Variants in PARD3B observed in about 807,000 individuals in gnomAD.
PARD3B encodes partitioning defective 3 homolog B.
In PARD3B, 103 loss-of-function variants were observed where a neutral mutation model predicts 130.2. The ratio of observed to expected loss-of-function variants is 0.79; its 90% confidence interval spans 0.67 to 0.93. The LOEUF is 0.93. PARD3B is among the 40% of genes least tolerant of loss of function. The pLI is 0.00. For synonymous variants in PARD3B, 583 were observed against 553.2 expected, an observed-to-expected ratio of 1.05 and a Z score of -0.76; for missense variants, 1,609 against 1,499.2, an observed-to-expected ratio of 1.07 and a Z score of -1.21.
At chr2:204,915,972 A>G (rs1230125237) in intron 2 of PARD3B, among the ~76,000 whole-genome samples, 1 of 152,196 alleles carries the variant, frequency 6.6e-6, no homozygotes, top group Non-Finnish European at 1.5e-5. Flanking sequence ...TGTCCTTGAT[A>G]AGTCTGTACA....
At position 205,018,946 on chromosome 2, in the gene PARD3B, G is replaced by A. The variant is rs1472924576; in HGVS notation, c.395-28635G>A. ...AGTTGATTTATACTTAAATTTATCA[G>A]ATTGGGTGGTTCTTTTTGACTTAAC... On this transcript the variant is annotated intron_variant, in intron 3 of 22. Transcript: ENST00000406610. 3.9e-5 allele frequency among the ~76,000 whole-genome samples: 6 copies of A among 152,014 alleles called. No homozygotes were observed. The East Asian group carries it at 1.2e-3, about 29-fold the overall frequency.
chr2:204,970,750 C>G (rs1691631295), intron 3 of PARD3B, among the ~76,000 whole-genome samples: 1 of 152,130 alleles, frequency 6.6e-6, no homozygotes, highest in Non-Finnish European at 1.5e-5. Flanking sequence ...ATAAAAAGTA[C>G]TTTAAACTTG....
chr2:205,357,480 A>G (rs775182868), intron 18 of PARD3B, among the ~76,000 whole-genome samples: 3 of 152,224 alleles, frequency 2.0e-5, no homozygotes, highest in Admixed American at 6.5e-5. Context: ...AAGTGTTTGT[A>G]ATTAAGTGGG....
rs116424901 is a variant in PARD3B at position 204,755,071 on chromosome 2, A to C, written c.222+68789A>C. Among the ~76,000 whole-genome samples, 1,009 of 152,226 alleles carry C rather than the reference A, an allele frequency of 6.6e-3. 12 individuals are homozygous for C. Among genetic ancestry groups the C allele is most frequent in the African/African-American group, 0.023 (971 of 41,558 alleles). On this transcript the variant is annotated intron_variant, in intron 2 of 22. Transcript: ENST00000406610. The stretch of plus-strand genomic sequence containing the variant: ...TTATTTAATTGCCTTGCACGCAAAA[A>C]ATGGACTGATTTCTCAAAAATGATT...
intron 1 of PARD3B, among the ~76,000 whole-genome samples, chr2:204,612,946 C>T (rs2033983123): frequency 6.6e-6 from 1 of 151,850 alleles, no homozygotes; most frequent in African/African-American, 2.4e-5. Context: ...ATGCATCCTG[C>T]TTCATTAATT....
intron 18 of PARD3B, among the ~76,000 whole-genome samples, chr2:205,385,644 A>G (rs1162985978): frequency 6.6e-6 from 1 of 152,072 alleles, no homozygotes; most frequent in African/African-American, 2.4e-5. Context: ...TACATCAGAT[A>G]ATGGTACCAT....
At chr2:205,016,320 C>A (rs1696145782) in intron 3 of PARD3B, among the ~76,000 whole-genome samples, 1 of 152,148 alleles carries the variant, frequency 6.6e-6, no homozygotes, top group African/African-American at 2.4e-5. Flanking sequence ...ACCCCGCCTA[C>A]CTCTGTTGGC....
intron 2 of PARD3B, among the ~76,000 whole-genome samples, chr2:204,765,008 T>C (rs1209736447): frequency 2.6e-5 from 4 of 152,184 alleles, no homozygotes; most frequent in Non-Finnish European, 5.9e-5. Context: ...TTACAGGTCA[T>C]CTGGATCATT....
rs949724408 is a variant in PARD3B, at chr2:204,967,359, A to G, written c.394+2036A>G. ...CCAGAGCTTTGCCATCAATTAGACTATTGCAGAGGCCTCAGACTGACCTCT... is the reference window on the plus strand; with the variant it reads ...CCAGAGCTTTGCCATCAATTAGACTGTTGCAGAGGCCTCAGACTGACCTCT... On this transcript the variant is annotated intron_variant, in intron 3 of 22. Transcript: ENST00000406610. This position sits in a 1 kb window ranked among gnomAD's most constrained non-coding sequence, Gnocchi z 4.4. Among the ~76,000 whole-genome samples, 3 of 152,246 alleles carry G rather than the reference A, an allele frequency of 2.0e-5. No individual in the cohort carries two copies. Among genetic ancestry groups the G allele is most frequent in the African/African-American group, 4.8e-5 (2 of 41,546 alleles).
intron 21 of PARD3B, among the ~76,000 whole-genome samples, chr2:205,540,175 A>G (rs946597329): frequency 1.3e-5 from 2 of 151,624 alleles, no homozygotes; most frequent in East Asian, 1.9e-4. Flanking sequence ...TGCTTGCTGT[A>G]TATTTGCATA....
At chr2:204,602,510 A>T (rs898302662) in intron 1 of PARD3B, among the ~76,000 whole-genome samples, 8 of 152,030 alleles carry the variant, frequency 5.3e-5, no homozygotes, top group African/African-American at 7.2e-5. Flanking sequence ...TTCTACACAC[A>T]CCATTCCTAA....
chr2:205,141,377 T>C (rs1361546516), intron 10 of PARD3B, among the ~76,000 whole-genome samples: 1 of 152,232 alleles, frequency 6.6e-6, no homozygotes, highest in Non-Finnish European at 1.5e-5. Context: ...CCTGAGTGAA[T>C]TTAAACTTTT....
In PARD3B at chr2:205,176,527, A is replaced by T. The variant is rs1185461145; in HGVS notation, c.1874A>T (p.Asn625Ile). 6.2e-7 allele frequency: 1 copy of T among 1,612,862 alleles called. No individual in the cohort carries two copies. Among genetic ancestry groups the T allele is most frequent in the African/African-American group, 1.3e-5 (1 of 74,854 alleles). Residue 625 changes from asparagine to isoleucine, a missense_variant, in exon 13 of 23, where the codon AAT becomes ATT. Coordinates refer to ENST00000406610, the MANE Select transcript of PARD3B (RefSeq NM_001302769.2). This position sits in a 1 kb window ranked among gnomAD's most constrained non-coding sequence, Gnocchi z 5.3. The stretch of plus-strand genomic sequence containing the variant: ...GTAACCACCTCTAGGCGAAATGATA[A>T]TAGTATCCTGCATCCACTTGGCACT... ...NAVTTSRRND[N>I]SILHPLGTCS... is the part of the protein sequence containing the mutation.
At chr2:205,537,761 A>G (rs866201906) in intron 21 of PARD3B, among the ~76,000 whole-genome samples, 1 of 152,220 alleles carries the variant, frequency 6.6e-6, no homozygotes, top group African/African-American at 2.4e-5. Flanking sequence ...TGGTCCTGGC[A>G]TTTATATGTG....
At chr2:204,604,837 G>C (rs944886583) in intron 1 of PARD3B, among the ~76,000 whole-genome samples, 1 of 152,102 alleles carries the variant, frequency 6.6e-6, no homozygotes, top group African/African-American at 2.4e-5. Flanking sequence ...TGGGCTTGTG[G>C]GTCAGGAATT....
rs981460255 is a variant in PARD3B at position 204,890,748 on chromosome 2, C to T, written c.223-74404C>T. On this transcript the variant is annotated intron_variant, in intron 2 of 22. Coordinates refer to ENST00000406610, the MANE Select transcript of PARD3B (RefSeq NM_001302769.2). The surrounding 1 kb of genome is among the most constrained non-coding windows in gnomAD (Gnocchi z 4.9). ...TAGCCACAGGGAGGCAGGGATGTCC[C>T]CTCTTGCTCAGCCTCCCATCCTGTG... 4.6e-5 allele frequency among the ~76,000 whole-genome samples: 7 copies of T among 152,296 alleles called. No individual in the cohort carries two copies. In the East Asian group the frequency reaches 1.4e-3, roughly 29 times the overall value.
At chr2:204,642,699 T>G (rs543690465) in intron 1 of PARD3B, among the ~76,000 whole-genome samples, 2 of 152,164 alleles carry the variant, frequency 1.3e-5, no homozygotes, top group South Asian at 4.1e-4. Flanking sequence ...CACTCAAGTT[T>G]CATGTCGAAT....
intron 2 of PARD3B, among the ~76,000 whole-genome samples, chr2:204,812,569 T>A (rs1055816965): frequency 1.1e-4 from 17 of 152,192 alleles, no homozygotes; most frequent in Non-Finnish European, 2.2e-4. Flanking sequence ...GCTGTCTGCA[T>A]GCTCAGTGGC....
At chr2:205,382,773 GT>G (rs571063888) in intron 18 of PARD3B, among the ~76,000 whole-genome samples, 79 of 151,954 alleles carry the variant, frequency 5.2e-4, no homozygotes, top group Non-Finnish European at 1.1e-3. Context: ...TATTCTAAGG[GT>G]TATAATCTAG....
Sources: allele counts gnomAD v4.1 joint callset (sites outside exome capture counted in the v4.1 genomes callset), GRCh38; gene constraint gnomAD v4.1.1; non-coding constraint Gnocchi (gnomAD v3.1); transcripts MANE v1.5; gene names NCBI Gene and HGNC (gene_info 2026-07-23, HGNC 2026-07-21).